The following PTPRG variants were observed in gnomAD, a reference collection of about 807,000 sequenced individuals.
PTPRG encodes protein tyrosine phosphatase receptor type G.
In PTPRG, 102 loss-of-function variants were observed where a neutral mutation model predicts 165.3. The ratio of observed to expected loss-of-function variants is 0.62; its 90% CI spans 0.53 to 0.73. The LOEUF is 0.73. Ranked by LOEUF, PTPRG falls within the 30% of genes least tolerant of loss-of-function variation. PTPRG has a pLI of 0.00. For missense variants in PTPRG, 1,866 were observed against 1,861.4 expected, an observed-to-expected ratio of 1.00 and a Z score of -0.05; for synonymous variants, 675 against 669.5, an observed-to-expected ratio of 1.01 and a Z score of -0.13.
intron 21 of PTPRG, 91 bp from the exon 22 acceptor site, chr3:62,272,855 A>G: frequency 7.4e-7 from 1 of 1,343,332 alleles, no homozygotes; most frequent in Non-Finnish European, 9.9e-7. Context: ...AAAATAATAA[A>G]ATAAATGGGG....
intron 1 of PTPRG, among the ~76,000 whole-genome samples, chr3:61,656,975 A>G (rs1222218169): frequency 6.6e-6 from 1 of 152,178 alleles, no homozygotes; most frequent in Non-Finnish European, 1.5e-5. Flanking sequence ...ACACATCAAA[A>G]AGTTCATGGC....
intron 10 of PTPRG, among the ~76,000 whole-genome samples, chr3:62,199,652 G>C (rs1700052000): frequency 6.6e-6 from 1 of 152,136 alleles, no homozygotes; most frequent in East Asian, 1.9e-4. Flanking sequence ...TGCCATTTCT[G>C]GTTTTGGTAC....
At chr3:61,889,089 A>T (rs903769350) in intron 2 of PTPRG, among the ~76,000 whole-genome samples, 17 of 152,146 alleles carry the variant, frequency 1.1e-4, no homozygotes, top group Admixed American at 1.1e-3. Context: ...TTGTAAGATG[A>T]TACTTTGAAT....
intron 5 of PTPRG, among the ~76,000 whole-genome samples, chr3:62,096,887 A>G (rs879318094): frequency 6.6e-6 from 1 of 152,236 alleles, no homozygotes; most frequent in South Asian, 2.1e-4. Context: ...ATACTCAGTT[A>G]TAATTTGCAG....
intron 2 of PTPRG, among the ~76,000 whole-genome samples, chr3:61,835,196 G>T (rs530729199): frequency 1.3e-5 from 2 of 152,110 alleles, no homozygotes; most frequent in African/African-American, 4.8e-5. Flanking sequence ...TCCTTTGGTC[G>T]TTACTGTGCC....
chr3:62,115,203 T>C (rs1343252696), intron 5 of PTPRG, among the ~76,000 whole-genome samples: 10 of 152,160 alleles, frequency 6.6e-5, no homozygotes. Context: ...AGTTTTAATC[T>C]CCCTCAGGTT....
intron 2 of PTPRG, among the ~76,000 whole-genome samples, chr3:61,793,392 CT>C (rs937257268): frequency 2.6e-5 from 4 of 152,166 alleles, no homozygotes; most frequent in Admixed American, 2.6e-4. Context: ...AATTTATCTT[CT>C]TTTGGATGTG....
chr3:61,652,669 A>G (rs530022021), intron 1 of PTPRG, among the ~76,000 whole-genome samples: 1 of 152,268 alleles, frequency 6.6e-6, no homozygotes, highest in Non-Finnish European at 1.5e-5. Context: ...TTAAACAGGG[A>G]TTCTCAACCT....
intron 2 of PTPRG, among the ~76,000 whole-genome samples, chr3:61,915,521 C>A (rs1370659137): frequency 1.3e-5 from 2 of 152,084 alleles, no homozygotes; most frequent in Non-Finnish European, 2.9e-5. Context: ...GTAATTAGAG[C>A]CGTGAAATAT....
intron 1 of PTPRG, among the ~76,000 whole-genome samples, chr3:61,699,321 C>A (rs2030815977): frequency 6.6e-6 from 1 of 152,116 alleles, no homozygotes; most frequent in African/African-American, 2.4e-5. Context: ...TTAATGTCTG[C>A]CTCAGCAGAA....
At chr3:61,769,330 C>G (rs181928511) in intron 2 of PTPRG, 1 of 152,124 alleles carries the variant, frequency 6.6e-6, no homozygotes, top group African/African-American at 2.4e-5. Flanking sequence ...GTGCAGTATA[C>G]TTTGGCCCAG....
chr3:61,848,320 T>G (rs1259980432), intron 2 of PTPRG, among the ~76,000 whole-genome samples: 1 of 152,236 alleles, frequency 6.6e-6, no homozygotes, highest in Non-Finnish European at 1.5e-5. Context: ...GCTGCAGTCT[T>G]TGCCCTAGGC....
Position 62,157,090 on chromosome 3 carries a change from T to A in PTPRG, c.706T>A (p.Phe236Ile), listed in dbSNP as rs1704565800. The A allele has an allele frequency of 6.2e-7, 1 of 1,608,890 alleles. No individual in the cohort carries two copies. Among genetic ancestry groups the A allele is most frequent in the African/African-American group, 1.3e-5 (1 of 74,908 alleles). Reference protein sequence around the residue: ...HHEKETFLDPFVLRDLLPASL... With the variant: ...HHEKETFLDPIVLRDLLPASL... The stretch of plus-strand genomic sequence containing the variant: ...AGAGAAGGAGACCTTTCTGGATCCT[T>A]TCGTCCTCCGGGACCTCCTGCCTGC... Residue 236 changes from phenylalanine (F) to isoleucine (I), a missense_variant, in exon 7 of 30, where the codon TTC becomes ATC. Physicochemically the swap from Phe to Ile is conservative, Grantham distance 21. Transcript: ENST00000474889.
At chr3:61,907,887 G>C (rs2038696569) in intron 2 of PTPRG, among the ~76,000 whole-genome samples, 1 of 151,706 alleles carries the variant, frequency 6.6e-6, no homozygotes, top group South Asian at 2.1e-4. Context: ...GCACTTTGGA[G>C]GCCATGGTGG....
intron 4 of PTPRG, among the ~76,000 whole-genome samples, chr3:62,023,520 C>G (rs2041744789): frequency 6.6e-6 from 1 of 152,144 alleles, no homozygotes; most frequent in African/African-American, 2.4e-5. Flanking sequence ...CTTTCTTATT[C>G]CTATGCACTC....
chr3:61,797,701 T>C (rs1382131133), intron 2 of PTPRG, among the ~76,000 whole-genome samples: 1 of 151,742 alleles, frequency 6.6e-6, no homozygotes, highest in Non-Finnish European at 1.5e-5. Context: ...GAGAGCTCTG[T>C]GCTTGAGTAG....
intron 4 of PTPRG, among the ~76,000 whole-genome samples, chr3:62,055,803 C>T (rs931933761): frequency 9.9e-5 from 15 of 152,138 alleles, no homozygotes; most frequent in Admixed American, 9.8e-4. Context: ...TCTCTGTGTC[C>T]ACATTTCCCT....
At chr3:61,636,874 C>G (rs1288933339) in intron 1 of PTPRG, among the ~76,000 whole-genome samples, 3 of 152,082 alleles carry the variant, frequency 2.0e-5, no homozygotes, top group African/African-American at 7.2e-5. Context: ...AAATCTCATA[C>G]TGTTGGTATT....
chr3:61,790,904 G>C (rs549538327), intron 2 of PTPRG, among the ~76,000 whole-genome samples: 1 of 152,108 alleles, frequency 6.6e-6, no homozygotes, highest in African/African-American at 2.4e-5. Flanking sequence ...ATATCAATAA[G>C]ATTAAAGTAT....
Sources: allele counts gnomAD v4.1 joint callset (sites outside exome capture counted in the v4.1 genomes callset), GRCh38; gene constraint gnomAD v4.1.1; transcripts MANE v1.5; gene names NCBI Gene and HGNC (gene_info 2026-07-23, HGNC 2026-07-21).